The following XXYLT1 variants were observed in gnomAD, a reference collection of about 807,000 sequenced individuals.
The protein encoded by XXYLT1 is UDP-xylose:alpha-xyloside alpha-1,3-xylosyltransferase.
In XXYLT1, 20 loss-of-function variants were observed where a neutral mutation model predicts 28.9. The observed-to-expected ratio is 0.69, with a 90% CI of 0.49 to 1.00. XXYLT1 has a LOEUF of 1.00. Ranked by LOEUF, XXYLT1 falls within the 50% of genes least tolerant of loss-of-function variation. The pLI is 0.00. For synonymous variants in XXYLT1, 257 were observed against 253.8 expected (o/e 1.01, Z -0.12); for missense variants, 542 against 560.1 (o/e 0.97, Z 0.33).
rs570690870 is a variant in XXYLT1, at chr3:195,095,646, A to G, written c.786-25535T>C. ...TATGCGTGAGCAACAGCGCCTGATG[A>G]CTCTTGGGAAGAGCCACAACAAAGC... On this transcript the variant is annotated intron_variant, in intron 3 of 3. Coordinates refer to ENST00000310380, the MANE Select transcript of XXYLT1 (RefSeq NM_152531.5). The G allele has an allele frequency of 4.6e-5, 7 of 153,656 alleles. No individual in the cohort carries two copies. The East Asian group carries it at 1.4e-3, about 30-fold the overall frequency. 9.5% of individuals were successfully genotyped at this position (153,656 alleles called of 1,614,324 possible). A position where few individuals can be genotyped will look rare whatever the true frequency, so the allele number is the denominator to read the frequency against.
intron 3 of XXYLT1, among the ~76,000 whole-genome samples, chr3:195,120,405 A>T (rs933951869): frequency 6.6e-6 from 1 of 151,996 alleles, no homozygotes; most frequent in Non-Finnish European, 1.5e-5. Flanking sequence ...AACCATGTGT[A>T]AACCATCTGT....
intron 3 of XXYLT1, among the ~76,000 whole-genome samples, chr3:195,073,566 G>A (rs1714949553): frequency 6.6e-6 from 1 of 152,054 alleles, no homozygotes; most frequent in African/African-American, 2.4e-5. Flanking sequence ...TCTTGTTCCT[G>A]TCTTCCATAG....
intron 2 of XXYLT1, among the ~76,000 whole-genome samples, chr3:195,188,481 A>G (rs1722290735): frequency 6.6e-6 from 1 of 152,224 alleles, no homozygotes; most frequent in South Asian, 2.1e-4. Context: ...AATGGTATAA[A>G]TATGAGTGCA....
chr3:195,185,571 T>C (rs995458651), intron 2 of XXYLT1, among the ~76,000 whole-genome samples: 7 of 151,642 alleles, frequency 4.6e-5, no homozygotes, highest in Middle Eastern at 3.4e-3. Context: ...TAAGGTCAAT[T>C]TGTGCTGATT....
chr3:195,089,789 A>G (rs199958920), intron 3 of XXYLT1, among the ~76,000 whole-genome samples: 12,385 of 148,672 alleles, frequency 0.083, 684 homozygotes, highest in East Asian at 0.27. Context: ...CCCATCTCAC[A>G]TGCAGAGACA....
At chr3:195,237,469 T>C (rs1724600132) in intron 1 of XXYLT1, among the ~76,000 whole-genome samples, 1 of 152,046 alleles carries the variant, frequency 6.6e-6, no homozygotes, top group African/African-American at 2.4e-5. Flanking sequence ...TTTCCTACCC[T>C]CTGCAGTGCT....
intron 1 of XXYLT1, among the ~76,000 whole-genome samples, chr3:195,236,425 T>A (rs1177573367): frequency 6.6e-6 from 1 of 151,926 alleles, no homozygotes; most frequent in African/African-American, 2.4e-5. Context: ...AATGTTCACT[T>A]AATGCCCAAG....
Position 195,115,731 on chromosome 3 carries a change from G to A in XXYLT1, c.785+40718C>T, listed in dbSNP as rs1443407075. 2.7e-5 allele frequency among the ~76,000 whole-genome samples: 4 copies of A among 150,268 alleles called. No homozygotes were observed. Among genetic ancestry groups the A allele is most frequent in the Admixed American group, 6.6e-5 (1 of 15,146 alleles). ...CTCACCTTTGAGCTGAGGTGTTCAC[G>A]TCCGAGGTGGAGGAAGGAGGGCGGC... On this transcript the variant is annotated intron_variant, in intron 3 of 3. Transcript: ENST00000310380. This position sits in a 1 kb window ranked among gnomAD's most constrained non-coding sequence, Gnocchi z 4.2.
At chr3:195,268,165 C>G (rs1725900051) in intron 1 of XXYLT1, among the ~76,000 whole-genome samples, 1 of 152,020 alleles carries the variant, frequency 6.6e-6, no homozygotes, top group African/African-American at 2.4e-5. Flanking sequence ...CGCGGTGGTT[C>G]ACGCCTGTAA....
chr3:195,204,652 G>A (rs576475120), intron 2 of XXYLT1, among the ~76,000 whole-genome samples: 15 of 152,256 alleles, frequency 9.9e-5, no homozygotes, highest in African/African-American at 3.1e-4. Context: ...GGTCTTCATG[G>A]GTTGCTCAGG....
chr3:195,264,604 A>C (rs939870051), intron 1 of XXYLT1, among the ~76,000 whole-genome samples: 1 of 152,234 alleles, frequency 6.6e-6, no homozygotes, highest in Admixed American at 6.5e-5. Flanking sequence ...ATTTGTTAAA[A>C]ATCCATCTCC....
chr3:195,102,785 T>C (rs1373322072), intron 3 of XXYLT1, among the ~76,000 whole-genome samples: 3 of 152,222 alleles, frequency 2.0e-5, no homozygotes, highest in Non-Finnish European at 4.4e-5. Context: ...GGAGAGCAGT[T>C]ATCTTTACGA....
At chr3:195,188,931 G>C (rs1420879218) in intron 2 of XXYLT1, among the ~76,000 whole-genome samples, 2 of 152,142 alleles carry the variant, frequency 1.3e-5, no homozygotes, top group African/African-American at 4.8e-5. Context: ...TAAGCTCGGC[G>C]CTAGCTTTCA....
intron 2 of XXYLT1, among the ~76,000 whole-genome samples, chr3:195,181,174 C>T (rs560945541): frequency 1.3e-5 from 2 of 152,300 alleles, no homozygotes; most frequent in Non-Finnish European, 2.9e-5. Flanking sequence ...GACTGACTTG[C>T]TTCCCCTGAG....
intron 3 of XXYLT1, among the ~76,000 whole-genome samples, chr3:195,155,134 A>T (rs919581282): frequency 5.9e-5 from 9 of 152,238 alleles, no homozygotes; most frequent in African/African-American, 2.2e-4. Context: ...CCAAGGAGTT[A>T]TCAGCTCATT....
At chr3:195,270,347 C>G in intron 1 of XXYLT1, 1 of 1,190,628 alleles carries the variant, frequency 8.4e-7, no homozygotes, top group Non-Finnish European at 1.1e-6. Context: ...AAACGCAGCT[C>G]CACTCCTCAG....
chr3:195,116,725 C>T (rs1718061472), intron 3 of XXYLT1, among the ~76,000 whole-genome samples: 1 of 152,308 alleles, frequency 6.6e-6, no homozygotes, highest in South Asian at 2.1e-4. Context: ...GAAGGTAAGT[C>T]ATTGAGGGCT....
At chr3:195,196,918 G>A (rs567686138) in intron 2 of XXYLT1, among the ~76,000 whole-genome samples, 2 of 151,612 alleles carry the variant, frequency 1.3e-5, no homozygotes, top group South Asian at 2.1e-4. Flanking sequence ...CAGTTAGCAG[G>A]AGGAAAAATA....
chr3:195,069,909 C>T lies in XXYLT1; in HGVS notation c.988G>A (p.Asp330Asn), dbSNP rs755195657. The change falls in exon 4 of 4, where the codon GAC (aspartate) becomes AAC (asparagine). Residue 330 changes from aspartate (D) to asparagine (N), a missense_variant. Transcript: ENST00000310380. ...DKYHFRGHLGDQDFFTMIGME... is the reference protein window; with the variant it reads ...DKYHFRGHLGNQDFFTMIGME... ...CCGATCATGGTGAAGAAGTCCTGGTCCCCGAGGTGGCCGCGGAAGTGGTAC... is the reference window on the plus strand; with the variant it reads ...CCGATCATGGTGAAGAAGTCCTGGTTCCCGAGGTGGCCGCGGAAGTGGTAC... The T allele has an allele frequency of 6.2e-7, 1 of 1,613,930 alleles. No individual in the cohort carries two copies. Among genetic ancestry groups the T allele is most frequent in the Admixed American group, 1.7e-5 (1 of 60,030 alleles).
Sources: allele counts gnomAD v4.1 joint callset (sites outside exome capture counted in the v4.1 genomes callset), GRCh38; gene constraint gnomAD v4.1.1; non-coding constraint Gnocchi (gnomAD v3.1); transcripts MANE v1.5; gene names NCBI Gene and HGNC (gene_info 2026-07-23, HGNC 2026-07-21).